MARCHF1: variants seen among roughly 807,000 people sequenced by gnomAD.
MARCHF1 encodes membrane associated ring-CH-type finger 1, also known as E3 ubiquitin-protein ligase MARCHF1.
In MARCHF1, 40 loss-of-function variants were observed where a neutral mutation model predicts 54.2. The ratio of observed to expected loss-of-function variants is 0.74; its 90% CI spans 0.57 to 0.96. The LOEUF (loss-of-function observed/expected upper bound fraction) is 0.96, where lower values mean the gene tolerates loss of function less well. MARCHF1 is among the 40% of genes least tolerant of loss of function. The pLI, the probability that MARCHF1 is intolerant of heterozygous loss-of-function variation, is 0.00. For synonymous variants in MARCHF1, 236 were observed against 236.3 expected (o/e 1.00, Z 0.01); for missense variants, 586 against 656.5 (o/e 0.89, Z 1.17).
At chr4:164,049,336 T>C (rs1754308049) in intron 2 of MARCHF1, among the ~76,000 whole-genome samples, 1 of 152,080 alleles carries the variant, frequency 6.6e-6, no homozygotes, top group African/African-American at 2.4e-5. Flanking sequence ...ACCAGGTCCC[T>C]CCCTTGACAC....
chr4:163,697,801 G>T (rs1744682523), intron 5 of MARCHF1, among the ~76,000 whole-genome samples: 2 of 152,094 alleles, frequency 1.3e-5, no homozygotes, highest in Non-Finnish European at 2.9e-5. Flanking sequence ...ACATTTTATG[G>T]AAATAGGAAT....
intron 3 of MARCHF1, chr4:163,933,152 A>T (rs1474698842): frequency 1.2e-6 from 1 of 858,692 alleles, no homozygotes; most frequent in African/African-American, 1.7e-5. Flanking sequence ...ATTCATCCAA[A>T]AGACAGCACC....
chr4:164,005,835 T>C (rs1753274853), intron 2 of MARCHF1, among the ~76,000 whole-genome samples: 1 of 152,072 alleles, frequency 6.6e-6, no homozygotes, highest in African/African-American at 2.4e-5. Context: ...TAAACACCTA[T>C]CCAGCCTTAC....
chr4:164,313,348 C>CAAA lies in MARCHF1; in HGVS notation c.-323+70519_-323+70521dup, dbSNP rs553280791. Among the ~76,000 whole-genome samples, 56 of 80,232 alleles carry CAAA rather than the reference C, an allele frequency of 7.0e-4. 1 individual carries two copies. The highest frequency in any genetic ancestry group is 1.4e-3 in the East Asian group (4 of 2,958). The allele number at this position is 80,232 out of a possible 152,430, so 52.6% of individuals were successfully genotyped here. ...TGGGTGGCAGAGCAAGACTCTGTCT[C>CAAA]AAAAAAAAAAAAAAAAAAAGTGTAG... On this transcript the variant is annotated intron_variant, in intron 1 of 9. Coordinates refer to ENST00000514618, the MANE Select transcript of MARCHF1 (RefSeq NM_001394959.1).
intron 3 of MARCHF1, among the ~76,000 whole-genome samples, chr4:163,984,765 G>A (rs772057641): frequency 6.6e-5 from 10 of 152,254 alleles, no homozygotes; most frequent in South Asian, 2.1e-4. Flanking sequence ...ATTAATTACA[G>A]CATAGTAAGT....
At chr4:163,950,429 G>A (rs1752111992) in intron 3 of MARCHF1, among the ~76,000 whole-genome samples, 1 of 152,226 alleles carries the variant, frequency 6.6e-6, no homozygotes, top group African/African-American at 2.4e-5. Flanking sequence ...ACCCAGAATG[G>A]GGAGAGGCCA....
intron 2 of MARCHF1, among the ~76,000 whole-genome samples, chr4:164,073,898 G>A (rs1210882018): frequency 2.0e-5 from 3 of 152,024 alleles, no homozygotes; most frequent in African/African-American, 7.2e-5. Context: ...CTGACTCCCT[G>A]GTTCAAGAGA....
intron 1 of MARCHF1, among the ~76,000 whole-genome samples, chr4:164,140,577 T>C (rs1157002007): frequency 6.6e-6 from 1 of 152,144 alleles, no homozygotes; most frequent in African/African-American, 2.4e-5. Flanking sequence ...TTCTTCTATA[T>C]AAACTCCTAA....
intron 1 of MARCHF1, among the ~76,000 whole-genome samples, chr4:164,116,272 C>A (rs1755937671): frequency 6.6e-6 from 1 of 152,068 alleles, no homozygotes; most frequent in Non-Finnish European, 1.5e-5. Flanking sequence ...TCCAAAATAT[C>A]TGCTTTTAAA....
At chr4:164,031,658 G>A (rs1484892292) in intron 2 of MARCHF1, among the ~76,000 whole-genome samples, 1 of 152,078 alleles carries the variant, frequency 6.6e-6, no homozygotes, top group African/African-American at 2.4e-5. Flanking sequence ...TGTTGAACCA[G>A]CCTTGCATCC....
intron 3 of MARCHF1, among the ~76,000 whole-genome samples, chr4:163,957,071 T>G (rs1730333314): frequency 6.6e-6 from 1 of 152,024 alleles, no homozygotes; most frequent in African/African-American, 2.4e-5. Context: ...AATAATTATA[T>G]AAAGGTAAAC....
chr4:163,603,534 C>A (rs535933232), intron 7 of MARCHF1, among the ~76,000 whole-genome samples: 54 of 152,178 alleles, frequency 3.5e-4, no homozygotes, highest in African/African-American at 1.3e-3. Flanking sequence ...ACAGGATGTC[C>A]AGCCTAGTTA....
chr4:164,329,278 C>T (rs529625209), intron 1 of MARCHF1, among the ~76,000 whole-genome samples: 70 of 152,196 alleles, frequency 4.6e-4, no homozygotes, highest in African/African-American at 1.6e-3. Context: ...TAATTCATAA[C>T]CCTCTTCTGC....
chr4:164,382,996 C>T (rs982010916), intron 1 of MARCHF1, among the ~76,000 whole-genome samples: 11 of 152,228 alleles, frequency 7.2e-5, no homozygotes, highest in African/African-American at 2.2e-4. Context: ...TGATTCCATT[C>T]ACCTGTCACA....
intron 3 of MARCHF1, among the ~76,000 whole-genome samples, chr4:163,854,687 T>A (rs1010272968): frequency 2.0e-5 from 3 of 152,146 alleles, no homozygotes; most frequent in Non-Finnish European, 4.4e-5. Flanking sequence ...TGAAAAAAAA[T>A]TTACTGCAAG....
intron 3 of MARCHF1, among the ~76,000 whole-genome samples, chr4:163,945,689 T>C (rs1752009647): frequency 6.6e-6 from 1 of 152,196 alleles, no homozygotes; most frequent in Non-Finnish European, 1.5e-5. Flanking sequence ...CACACCTAAT[T>C]CATTTATTGA....
At chr4:164,049,961 A>G (rs1754324396) in intron 2 of MARCHF1, among the ~76,000 whole-genome samples, 1 of 152,166 alleles carries the variant, frequency 6.6e-6, no homozygotes, top group Non-Finnish European at 1.5e-5. Flanking sequence ...AACATTGGGC[A>G]TCTCAAGTTT....
chr4:164,143,187 T>C (rs1336207993), intron 1 of MARCHF1, among the ~76,000 whole-genome samples: 1 of 151,984 alleles, frequency 6.6e-6, no homozygotes, highest in Non-Finnish European at 1.5e-5. Context: ...AGACCAAATC[T>C]ACGTCTGATT....
chr4:163,528,102 T>C lies in MARCHF1; in HGVS notation c.*646A>G, dbSNP rs1426901682. The C allele has an allele frequency of 6.6e-6, 1 of 152,486 alleles. No homozygotes were observed. Among genetic ancestry groups the C allele is most frequent in the Non-Finnish European group, 1.5e-5 (1 of 67,994 alleles). The allele number at this position is 152,486 out of a possible 1,614,324, so 9.4% of individuals were successfully genotyped here. A position where few individuals can be genotyped will look rare whatever the true frequency, so the allele number is the denominator to read the frequency against. ...TATCCGAACATTTTCTGAAAATCTT[T>C]TGCGTGACTTAAACAAACGTAATTA... On this transcript the variant is annotated 3_prime_UTR_variant, in exon 10 of 10. Coordinates refer to ENST00000514618, the MANE Select transcript of MARCHF1 (RefSeq NM_001394959.1).
Sources: gnomAD v4.1 joint callset for allele counts (sites outside exome capture counted in the v4.1 genomes callset) on GRCh38, gnomAD v4.1.1 for gene constraint, MANE v1.5 for transcripts, NCBI Gene and HGNC (gene_info 2026-07-23, HGNC 2026-07-21) for gene names.